Variants in CAPN8 observed in about 807,000 individuals in gnomAD.
CAPN8 encodes the protein calpain-8.
Under a neutral mutation model 80.9 loss-of-function variants are expected in CAPN8, and 87 were observed. The ratio of observed to expected loss-of-function variants is 1.07; its 90% CI spans 0.90 to 1.28. CAPN8 has a LOEUF of 1.28. CAPN8 is among the 50% of genes most tolerant of loss of function. The pLI is 0.00. For synonymous variants in CAPN8, 299 were observed against 273.8 expected (o/e 1.09, Z -0.91); for missense variants, 757 against 702.0 (o/e 1.08, Z -0.89).
chr1:223,638,314 G>T (rs1460247534), intron 2 of CAPN8, among the ~76,000 whole-genome samples: 1 of 152,070 alleles, frequency 6.6e-6, no homozygotes, highest in African/African-American at 2.4e-5. Flanking sequence ...TATTCCTGGG[G>T]ATCCTGGAAC....
intron 2 of CAPN8, among the ~76,000 whole-genome samples, chr1:223,637,421 C>G (rs1294691997): frequency 1.3e-5 from 2 of 152,162 alleles, no homozygotes; most frequent in Non-Finnish European, 2.9e-5. Flanking sequence ...CCTGTTTGCT[C>G]CTGTCACCTG....
At chr1:223,619,167 C>T in intron 9 of CAPN8, 126 bp downstream of exon 9, 2 of 1,159,476 alleles carry the variant, frequency 1.7e-6, no homozygotes, top group South Asian at 1.6e-5. Context: ...ACACTCCAAC[C>T]TGGGGAACAG....
At chr1:223,556,721 A>G (rs1177480149) in intron 13 of CAPN8, among the ~76,000 whole-genome samples, 2 of 152,198 alleles carry the variant, frequency 1.3e-5, no homozygotes, top group East Asian at 3.9e-4. Flanking sequence ...GGGGCTTAGG[A>G]TCAGTATAAG....
intron 15 of CAPN8, among the ~76,000 whole-genome samples, chr1:223,550,368 C>T (rs755152135): frequency 1.3e-5 from 2 of 152,168 alleles, no homozygotes; most frequent in Non-Finnish European, 2.9e-5. Flanking sequence ...GCCCATCACT[C>T]ACTGGAAGAC....
chr1:223,655,039 GGTGT>G (rs1225123471), intron 1 of CAPN8, among the ~76,000 whole-genome samples: 1 of 151,846 alleles, frequency 6.6e-6, no homozygotes, highest in Non-Finnish European at 1.5e-5. Flanking sequence ...TGGGTGTGTG[GGTGT>G]GGAAAGGTGG....
Position 223,545,285 on chromosome 1 carries a change from G to A in CAPN8, c.1779C>T (p.Gly593=). 1 of 1,551,566 alleles carries A rather than the reference G, an allele frequency of 6.4e-7. No homozygotes were observed. The highest frequency in any genetic ancestry group is 8.7e-7 in the Non-Finnish European group (1 of 1,146,934). Residue 593 remains glycine (G), a synonymous_variant, in exon 17 of 21, where the codon GGC becomes GGT. Coordinates refer to ENST00000366872, the MANE Select transcript of CAPN8 (RefSeq NM_001143962.2). The part of the protein sequence containing the change: ...MISLLDSNGT[G]TLGAVEFKTL... ...TCTTGAATTCCACCGCCCCCAAAGT[G>A]CCCGTTCCATTGCTCTAGGCACATT...
intron 1 of CAPN8, among the ~76,000 whole-genome samples, chr1:223,659,744 C>A (rs535410477): frequency 2.2e-4 from 33 of 152,300 alleles, no homozygotes; most frequent in African/African-American, 7.5e-4. Flanking sequence ...TCCCAATAAC[C>A]AAAGCCTCCA....
At chr1:223,630,016 G>T (rs1657725032) in intron 2 of CAPN8, among the ~76,000 whole-genome samples, 1 of 152,088 alleles carries the variant, frequency 6.6e-6, no homozygotes, top group South Asian at 2.1e-4. Flanking sequence ...TAACACTGTG[G>T]CCAGAGCTAT....
chr1:223,628,198 G>A, intron 3 of CAPN8, 56 bp from the exon 4 acceptor site: 1 of 1,492,824 alleles, frequency 6.7e-7, no homozygotes, highest in East Asian at 2.5e-5. Flanking sequence ...TGTAAAGGGA[G>A]TCCCTCCAGG....
intron 18 of CAPN8, 91 bp downstream of exon 18, chr1:223,544,681 T>A: frequency 1.3e-6 from 2 of 1,519,910 alleles, no homozygotes; most frequent in South Asian, 2.5e-5. Context: ...AAGCTACAAA[T>A]GATGATCATT....
chr1:223,661,738 A>G (rs1658651509), intron 1 of CAPN8, among the ~76,000 whole-genome samples: 1 of 152,226 alleles, frequency 6.6e-6, no homozygotes, highest in African/African-American at 2.4e-5. Context: ...TGCAACCACT[A>G]TATAAAACAG....
At chr1:223,642,863 G>T (rs1658080439) in intron 2 of CAPN8, 1 of 455,626 alleles carries the variant, frequency 2.2e-6, no homozygotes, top group Non-Finnish European at 4.4e-6. Flanking sequence ...AAGACTCAAT[G>T]GCATGAAACA....
At chr1:223,653,244 G>T (rs1658388074) in intron 2 of CAPN8, among the ~76,000 whole-genome samples, 2 of 151,140 alleles carry the variant, frequency 1.3e-5, no homozygotes, top group Admixed American at 6.6e-5. Flanking sequence ...CTTGGGTGCG[G>T]CACCCCGAAT....
rs1193573874 is a variant in CAPN8 at position 223,545,247 on chromosome 1, T to A, written c.1817A>T (p.Lys606Met). Residue 606 changes from lysine to methionine, a missense_variant, in exon 17 of 21, where the codon AAG becomes ATG. Transcript: ENST00000366872. ...GAVEFKTLWL[K>M]IQKYLEIYWE... is the part of the protein sequence containing the mutation. ...GAGAGTTACCAGATACTTCTGAATC[T>A]TCAGCCAGAGCGTCTTGAATTCCAC... The A allele has an allele frequency of 6.4e-7, 1 of 1,551,710 alleles. No individual in the cohort carries two copies. Among genetic ancestry groups the A allele is most frequent in the Admixed American group, 2.0e-5 (1 of 51,002 alleles).
intron 2 of CAPN8, among the ~76,000 whole-genome samples, chr1:223,641,122 A>T (rs1658028898): frequency 1.3e-5 from 2 of 152,122 alleles, no homozygotes; most frequent in African/African-American, 4.8e-5. Context: ...GAACTCTTTG[A>T]AAGTTTTCAT....
At chr1:223,628,451 G>A (rs1438017978) in intron 3 of CAPN8, among the ~76,000 whole-genome samples, 1 of 152,236 alleles carries the variant, frequency 6.6e-6, no homozygotes, top group African/African-American at 2.4e-5. Flanking sequence ...ACGTGGCCTA[G>A]GGGAGCTGGG....
At chr1:223,652,986 G>A (rs900246209) in intron 2 of CAPN8, among the ~76,000 whole-genome samples, 1 of 151,790 alleles carries the variant, frequency 6.6e-6, no homozygotes, top group African/African-American at 2.4e-5. Flanking sequence ...ATCCAAGCCC[G>A]TCAAGGAAAA....
At chr1:223,629,208 G>T (rs1657698860) in intron 2 of CAPN8, among the ~76,000 whole-genome samples, 1 of 148,262 alleles carries the variant, frequency 6.7e-6, no homozygotes, top group East Asian at 2.0e-4. Flanking sequence ...GTGTGTGTGT[G>T]TGTGTGTGTG....
chr1:223,615,142 A>G (rs754788580), intron 10 of CAPN8, among the ~76,000 whole-genome samples: 7 of 152,196 alleles, frequency 4.6e-5, no homozygotes, highest in Non-Finnish European at 7.3e-5. Context: ...TTTTTTTCAT[A>G]CATTAATTTA....
Sources: allele counts gnomAD v4.1 joint callset (sites outside exome capture counted in the v4.1 genomes callset), GRCh38; gene constraint gnomAD v4.1.1; transcripts MANE v1.5; gene names NCBI Gene and HGNC (gene_info 2026-07-23, HGNC 2026-07-21).